WDFY4: variants seen among roughly 807,000 people sequenced by gnomAD.
WDFY4 encodes WDFY family member 4, also known as WD repeat- and FYVE domain-containing protein 4.
In WDFY4, 169 loss-of-function variants were observed where a neutral mutation model predicts 351.9. The ratio of observed to expected loss-of-function variants is 0.48; its 90% CI spans 0.42 to 0.55. The LOEUF is 0.55. WDFY4 is among the 20% of genes least tolerant of loss of function. The probability of loss-of-function intolerance (pLI) is 0.00; values close to 1 mark genes in which losing one functional copy is unlikely to be tolerated. For synonymous variants in WDFY4, 1,622 were observed against 1,574.6 expected (o/e 1.03, Z -0.71); for missense variants, 3,803 against 3,935.6 (o/e 0.97, Z 0.90).
intron 33 of WDFY4, 75 bp downstream of exon 33, chr10:48,820,512 C>T (rs1172188269): frequency 1.4e-6 from 2 of 1,476,984 alleles, no homozygotes; most frequent in Non-Finnish European, 1.8e-6. Flanking sequence ...GGGCAGGATG[C>T]ACCCAGGGAG....
At chr10:48,687,915 G>A (rs553608127) in intron 1 of WDFY4, among the ~76,000 whole-genome samples, 1 of 152,154 alleles carries the variant, frequency 6.6e-6, no homozygotes, top group East Asian at 1.9e-4. Flanking sequence ...TCCAGTAGCT[G>A]GGACTACTGG....
At chr10:48,690,388 G>C (rs2063161605) in intron 1 of WDFY4, among the ~76,000 whole-genome samples, 1 of 152,212 alleles carries the variant, frequency 6.6e-6, no homozygotes, top group Admixed American at 6.5e-5. Context: ...TGGGATGTTT[G>C]GGGTGTTGCT....
At chr10:48,889,651 G>T (rs1417743239) in intron 43 of WDFY4, among the ~76,000 whole-genome samples, 5 of 152,098 alleles carry the variant, frequency 3.3e-5, no homozygotes, top group African/African-American at 1.2e-4. Flanking sequence ...TTCCTTTAGG[G>T]TTTACTATGT....
chr10:48,688,876 A>C (rs1005261586), intron 1 of WDFY4, among the ~76,000 whole-genome samples: 1 of 152,250 alleles, frequency 6.6e-6, no homozygotes, highest in Non-Finnish European at 1.5e-5. Context: ...AGATGACTCC[A>C]GAGTAACAGG....
chr10:48,760,881 C>CTG (rs1279073191), intron 13 of WDFY4, among the ~76,000 whole-genome samples: 1 of 152,200 alleles, frequency 6.6e-6, no homozygotes, highest in African/African-American at 2.4e-5. Context: ...AGCATAGACA[C>CTG]TGTCCACAGA....
At chr10:48,908,851 TAC>T (rs1837768851) in intron 47 of WDFY4, among the ~76,000 whole-genome samples, 1 of 152,214 alleles carries the variant, frequency 6.6e-6, no homozygotes, top group Non-Finnish European at 1.5e-5. Flanking sequence ...ACAATCGACA[TAC>T]ACAGTTATTT....
At chr10:48,737,256 C>A (rs1310198898) in intron 11 of WDFY4, among the ~76,000 whole-genome samples, 1 of 152,052 alleles carries the variant, frequency 6.6e-6, no homozygotes, top group Non-Finnish European at 1.5e-5. Context: ...GCAGTTCTCC[C>A]ACCTCAGCCT....
chr10:48,973,402 G>A (rs189876935), intron 57 of WDFY4, among the ~76,000 whole-genome samples: 249 of 152,276 alleles, frequency 1.6e-3, no homozygotes, highest in Non-Finnish European at 2.6e-3. Context: ...TTGGCGTCAT[G>A]TTAGGATCCA....
chr10:48,966,908 CTG>C, intron 55 of WDFY4: 1 of 557,066 alleles, frequency 1.8e-6, no homozygotes, highest in Non-Finnish European at 3.2e-6. Context: ...GTCTTTCTGT[CTG>C]TCTCTCTCAC....
At chr10:48,957,755 G>A (rs928714235) in intron 52 of WDFY4, among the ~76,000 whole-genome samples, 2 of 152,202 alleles carry the variant, frequency 1.3e-5, no homozygotes, top group Non-Finnish European at 2.9e-5. Context: ...GCAGCTGGAC[G>A]GGCACTTATG....
At chr10:48,715,427 T>C (rs1449603272) in intron 2 of WDFY4, among the ~76,000 whole-genome samples, 1 of 152,222 alleles carries the variant, frequency 6.6e-6, no homozygotes, top group African/African-American at 2.4e-5. Flanking sequence ...CTTAGTTGTA[T>C]TTAGAGGTGA....
chr10:48,966,708 T>C, intron 55 of WDFY4, 35 bp downstream of exon 55: 1 of 1,539,688 alleles, frequency 6.5e-7, no homozygotes, highest in Non-Finnish European at 8.8e-7. Context: ...TGGTGTCCTG[T>C]CCCAGGGTTG....
Position 48,788,563 on chromosome 10 carries a change from T to C in WDFY4, c.3842T>C (p.Val1281Ala), listed in dbSNP as rs1365578049. The change falls in exon 21 of 62, where the codon GTT (valine) becomes GCT (alanine). Residue 1281 changes from valine to alanine, a missense_variant. Coordinates refer to ENST00000325239, the MANE Select transcript of WDFY4 (RefSeq NM_001394531.1). ...CTGGACAGTGAAGCCACGCCCTTTGTTGCAGAAGAAAGAGTTTCTTTTGGA... is the reference window on the plus strand; with the variant it reads ...CTGGACAGTGAAGCCACGCCCTTTGCTGCAGAAGAAAGAGTTTCTTTTGGA... The part of the protein sequence containing the change: ...EDLDSEATPF[V>A]AEERVSFGLH... 2 of 1,552,084 alleles carry C rather than the reference T, an allele frequency of 1.3e-6. No homozygotes were observed. Among genetic ancestry groups the C allele is most frequent in the East Asian group, 2.4e-5 (1 of 40,930 alleles).
intron 39 of WDFY4, among the ~76,000 whole-genome samples, chr10:48,833,833 T>G (rs2068283003): frequency 6.6e-6 from 1 of 152,182 alleles, no homozygotes; most frequent in Non-Finnish European, 1.5e-5. Flanking sequence ...GGAGGTAAAG[T>G]AGACAGCTGA....
At chr10:48,821,549 G>C (rs2067823858) in intron 34 of WDFY4, among the ~76,000 whole-genome samples, 1 of 152,244 alleles carries the variant, frequency 6.6e-6, no homozygotes, top group African/African-American at 2.4e-5. Context: ...TAGGTGCACA[G>C]CTGATGTTTC....
intron 16 of WDFY4, 116 bp downstream of exon 16, chr10:48,777,100 G>A (rs995843969): frequency 1.8e-5 from 23 of 1,298,172 alleles, no homozygotes; most frequent in Non-Finnish European, 2.4e-5. Context: ...ACTCAGCAGA[G>A]GAAAATGTCT....
rs1234848306 is a variant in WDFY4 at position 48,780,108 on chromosome 10, G to A, written c.3565G>A (p.Gly1189Ser). The A allele has an allele frequency of 1.9e-6, 3 of 1,551,884 alleles. No homozygotes were observed. The African/African-American group carries it at 4.1e-5, about 21-fold the overall frequency. The change falls in exon 19 of 62, where the codon GGC becomes AGC. Residue 1189 changes from glycine (G) to serine (S), a missense_variant. Coordinates refer to ENST00000325239, the MANE Select transcript of WDFY4 (RefSeq NM_001394531.1). The part of the protein sequence containing the change: ...VSTCLDGQVI[G>S]SAKMLYIQAL... ...CACCTGTCTGGATGGACAGGTCATT[G>A]GCTCTGCCAAGGTGAGATGGCTCCT...
intron 19 of WDFY4, 82 bp downstream of exon 19, chr10:48,780,201 T>A: frequency 6.8e-7 from 1 of 1,466,134 alleles, no homozygotes; most frequent in Non-Finnish European, 9.2e-7. Flanking sequence ...TTTCATTCTA[T>A]GTTTTTGTTG....
At chr10:48,796,773 G>T (rs1336002825) in intron 24 of WDFY4, among the ~76,000 whole-genome samples, 2 of 152,214 alleles carry the variant, frequency 1.3e-5, no homozygotes, top group African/African-American at 4.8e-5. Context: ...CTATAAATTG[G>T]CATATACATA....
Sources: gnomAD v4.1 joint callset for allele counts (sites outside exome capture counted in the v4.1 genomes callset) on GRCh38, gnomAD v4.1.1 for gene constraint, MANE v1.5 for transcripts, NCBI Gene and HGNC (gene_info 2026-07-23, HGNC 2026-07-21) for gene names.